Variants in IDNK observed in about 807,000 individuals in gnomAD.
IDNK encodes the protein IDNK gluconokinase, also known as gluconokinase.
A neutral mutation model predicts 13.0 loss-of-function variants in IDNK; 9 were observed. The ratio of observed to expected loss-of-function variants is 0.69; its 90% CI spans 0.42 to 1.21. The LOEUF (loss-of-function observed/expected upper bound fraction) is 1.21. IDNK is among the 50% of genes most tolerant of loss of function. The probability of loss-of-function intolerance (pLI) is 0.00; values close to 1 mark genes in which losing one functional copy is unlikely to be tolerated. For missense variants in IDNK, 210 were observed against 237.8 expected (o/e 0.88, Z 0.77); for synonymous variants, 92 against 94.9 (o/e 0.97, Z 0.18).
At chr9:83,626,706 G>C (rs1011542360) in intron 1 of IDNK, 70 of 1,267,486 alleles carry the variant, frequency 5.5e-5, no homozygotes, top group Non-Finnish European at 7.2e-5. Flanking sequence ...CGTGAGCCAA[G>C]GGCTCAACCT....
intron 1 of IDNK, chr9:83,623,508 C>CGGCGGGGCCGCGCAGG: frequency 2.5e-6 from 1 of 392,920 alleles, no homozygotes; most frequent in Non-Finnish European, 4.6e-6. Flanking sequence ...GAACAGGCGG[C>CGGCGGGGCCGCGCAGG]TGCGGGGCCG....
At chr9:83,641,692 C>G in intron 4 of IDNK, 101 bp downstream of exon 4, 1 of 1,196,950 alleles carries the variant, frequency 8.4e-7, no homozygotes, top group Non-Finnish European at 1.2e-6. Flanking sequence ...TCACAACTGA[C>G]TGATGGTAAA....
At chr9:83,623,350 G>C (rs1830755316) in intron 1 of IDNK, 129 bp downstream of exon 1, 2 of 914,832 alleles carry the variant, frequency 2.2e-6, no homozygotes, top group South Asian at 3.5e-5. Flanking sequence ...TGCAGATGAA[G>C]AAACCGAGGC....
chr9:83,625,210 T>TG (rs911502240), intron 1 of IDNK, among the ~76,000 whole-genome samples: 3 of 152,168 alleles, frequency 2.0e-5, no homozygotes, highest in African/African-American at 7.2e-5. Context: ...AAGTCAAGGA[T>TG]GATTCAAGAT....
intron 3 of IDNK, among the ~76,000 whole-genome samples, chr9:83,637,373 T>A (rs746785559): frequency 1.3e-5 from 2 of 152,226 alleles, no homozygotes; most frequent in Non-Finnish European, 2.9e-5. Flanking sequence ...CTTCCTTCTA[T>A]GGAGAGTGGA....
At chr9:83,627,736 CTTTTA>C in intron 1 of IDNK, among the ~76,000 whole-genome samples, 1 of 151,122 alleles carries the variant, frequency 6.6e-6, no homozygotes. Flanking sequence ...TGTTTTTATG[CTTTTA>C]TGAGTGTCCT....
chr9:83,629,006 C>T, intron 3 of IDNK, 47 bp downstream of exon 3: 2 of 1,470,188 alleles, frequency 1.4e-6, no homozygotes, highest in Non-Finnish European at 1.9e-6. Flanking sequence ...ACCTGGGTGA[C>T]AGGATGAGCT....
In IDNK at chr9:83,643,590, G is replaced by A; in HGVS notation, c.374G>A (p.Ser125Asn). The A allele has an allele frequency of 6.2e-7, 1 of 1,614,028 alleles. No homozygotes were observed. The highest frequency in any genetic ancestry group is 8.5e-7 in the Non-Finnish European group (1 of 1,180,008). Residue 125 changes from serine to asparagine, a missense_variant, in exon 5 of 5, where the codon AGC becomes AAC. Transcript: ENST00000376419. Reference protein sequence around the residue: ...AEMQLLVVHLSGSFEVISGRL... With the variant: ...AEMQLLVVHLNGSFEVISGRL... ...ATGCAGCTCCTGGTGGTCCATCTGA[G>A]CGGGTCGTTTGAGGTCATCTCTGGA...
rs1477582619 is a variant in IDNK at position 83,623,195 on chromosome 9, G to A, written c.24G>A (p.Leu8=). 7.8e-6 allele frequency: 11 copies of A among 1,414,014 alleles called. No individual in the cohort carries two copies. In the East Asian group the frequency reaches 1.5e-4, roughly 20 times the overall value. 87.6% of individuals were successfully genotyped at this position (1,414,014 alleles called of 1,614,324 possible). The change falls in exon 1 of 5, where the codon CTG becomes CTA. Residue 8 remains leucine (L), a synonymous_variant. Transcript: ENST00000376419. ...TTATGGCGGCGCCGGGCGCGCTGCTGGTGATGGGCGTGAGCGGCTCGGGGA... is the reference window on the plus strand; with the variant it reads ...TTATGGCGGCGCCGGGCGCGCTGCTAGTGATGGGCGTGAGCGGCTCGGGGA... MAAPGAL[L]VMGVSGSGKS... is the part of the protein sequence containing the mutation.
chr9:83,641,715 C>G, intron 4 of IDNK, 124 bp downstream of exon 4: 1 of 963,424 alleles, frequency 1.0e-6, no homozygotes, highest in Non-Finnish European at 1.6e-6. Flanking sequence ...ATTCTAGAAA[C>G]TGGCTGCACT....
At chr9:83,634,315 C>T (rs1191723277) in intron 3 of IDNK, among the ~76,000 whole-genome samples, 1 of 152,144 alleles carries the variant, frequency 6.6e-6, no homozygotes, top group Non-Finnish European at 1.5e-5. Context: ...TGTCTAAAAG[C>T]ACCTATTTTT....
At chr9:83,637,392 A>C (rs1831193753) in intron 3 of IDNK, among the ~76,000 whole-genome samples, 1 of 152,232 alleles carries the variant, frequency 6.6e-6, no homozygotes, top group South Asian at 2.1e-4. Context: ...GATCCAGGTA[A>C]CTAGAGGGTT....
Position 83,643,860 on chromosome 9 carries a change from C to A in IDNK, c.*80C>A. Reference sequence around the variant, plus strand: ...CCCAAACCTCGTTCCAGCCGCCTTGCCCATACTAGATTCTAAATGTTTCTA... The same window carrying A: ...CCCAAACCTCGTTCCAGCCGCCTTGACCATACTAGATTCTAAATGTTTCTA... On this transcript the variant is annotated 3_prime_UTR_variant, in exon 5 of 5. Coordinates refer to ENST00000376419, the MANE Select transcript of IDNK (RefSeq NM_001001551.4). The A allele has an allele frequency of 9.8e-7, 1 of 1,022,350 alleles. No individual in the cohort carries two copies. The allele number at this position is 1,022,350 out of a possible 1,614,324, so 63.3% of individuals were successfully genotyped here.
intron 3 of IDNK, 85 bp from the exon 4 acceptor site, chr9:83,641,463 G>A (rs1831305218): frequency 6.8e-7 from 1 of 1,468,042 alleles, no homozygotes; most frequent in Non-Finnish European, 9.5e-7. Context: ...TAACATTTGT[G>A]AACATGATAT....
At chr9:83,632,557 CAAAAAAAAAAAAAAAAAAA>C (rs61214533) in intron 3 of IDNK, among the ~76,000 whole-genome samples, 8 of 78,558 alleles carry the variant, frequency 1.0e-4, no homozygotes, top group African/African-American at 4.2e-4. Flanking sequence ...AGCTGATGAG[CAAAAAAAAAAAAAAAAAAA>C]AAAAAAATCA....
At chr9:83,642,692 G>A (rs572078466) in intron 4 of IDNK, among the ~76,000 whole-genome samples, 12 of 152,086 alleles carry the variant, frequency 7.9e-5, no homozygotes, top group South Asian at 2.1e-4. Context: ...ATCCTGTCCT[G>A]ACCCCAGGAT....
chr9:83,639,051 G>A (rs1290583522), intron 3 of IDNK, among the ~76,000 whole-genome samples: 2 of 152,104 alleles, frequency 1.3e-5, no homozygotes, highest in Non-Finnish European at 1.5e-5. Context: ...AGACCACAAA[G>A]AGTATTGCCA....
chr9:83,626,217 G>A (rs532187243), intron 1 of IDNK, among the ~76,000 whole-genome samples: 85 of 152,160 alleles, frequency 5.6e-4, no homozygotes, highest in African/African-American at 2.0e-3. Context: ...AGTATTTTTG[G>A]GCCCAGCACT....
intron 3 of IDNK, among the ~76,000 whole-genome samples, chr9:83,634,715 C>A (rs886828794): frequency 6.6e-6 from 1 of 152,142 alleles, no homozygotes; most frequent in Admixed American, 6.5e-5. Context: ...GATGGAATGG[C>A]GGAATGTACA....
Sources: gnomAD v4.1 joint callset for allele counts (sites outside exome capture counted in the v4.1 genomes callset) on GRCh38, gnomAD v4.1.1 for gene constraint, MANE v1.5 for transcripts, NCBI Gene and HGNC (gene_info 2026-07-23, HGNC 2026-07-21) for gene names.